Variants in SLC2A9 observed in about 807,000 individuals in gnomAD.
SLC2A9 encodes the protein solute carrier family 2 member 9.
In SLC2A9, 39 loss-of-function variants were observed where a neutral mutation model predicts 50.6. The ratio of observed to expected loss-of-function variants is 0.77; its 90% confidence interval spans 0.60 to 1.01. SLC2A9 has a LOEUF of 1.01. Ranked by LOEUF, SLC2A9 falls within the 50% of genes least tolerant of loss-of-function variation. The pLI is 0.00. For missense variants in SLC2A9, 686 were observed against 677.6 expected, an observed-to-expected ratio of 1.01 and a Z score of -0.14; for synonymous variants, 324 against 276.9, an observed-to-expected ratio of 1.17 and a Z score of -1.69.
At chr4:10,031,039 G>A (rs947692211) in intron 1 of SLC2A9, among the ~76,000 whole-genome samples, 1 of 152,206 alleles carries the variant, frequency 6.6e-6, no homozygotes, top group African/African-American at 2.4e-5. Flanking sequence ...TGCCTTTCAG[G>A]GGGCTTAGAT....
intron 4 of SLC2A9, among the ~76,000 whole-genome samples, chr4:9,981,416 A>C: frequency 6.6e-6 from 1 of 151,952 alleles, no homozygotes; most frequent in Non-Finnish European, 1.5e-5. Context: ...AGTAACAGGA[A>C]TCCTTCTCAT....
chr4:9,976,852 A>G (rs552926860), intron 5 of SLC2A9, among the ~76,000 whole-genome samples: 2 of 152,354 alleles, frequency 1.3e-5, no homozygotes, highest in African/African-American at 4.8e-5. Context: ...CACAGTTCAC[A>G]TCAGTGAACT....
chr4:9,818,244 G>A (rs566161451), intron 3 of SLC2A9, among the ~76,000 whole-genome samples: 2 of 152,098 alleles, frequency 1.3e-5, no homozygotes, highest in Non-Finnish European at 2.9e-5. Context: ...ATTTCTTCCT[G>A]GATCTGTTAA....
At chr4:10,018,887 G>C (rs1763109547) in intron 2 of SLC2A9, 88 bp downstream of exon 2, 1 of 1,320,666 alleles carries the variant, frequency 7.6e-7, no homozygotes, top group Non-Finnish European at 1.1e-6. Context: ...AGCGCAACAG[G>C]AGGGGGCGCT....
In SLC2A9 at chr4:9,811,720, T is replaced by C. The variant is rs547885002; in HGVS notation, n.421-12479A>G. Among the ~76,000 whole-genome samples, 10 of 152,320 alleles carry C rather than the reference T, an allele frequency of 6.6e-5. No homozygotes were observed. The South Asian group carries it at 2.1e-3, about 32-fold the overall frequency. On this transcript the variant is annotated intron_variant and non_coding_transcript_variant, in intron 3 of 3. Transcript: ENST00000503280. The stretch of plus-strand genomic sequence containing the variant: ...AATTGTAAGGAAAGAAAAGGTTGTT[T>C]TTTCAAGCCACTAAGTTTTGGGGAT...
intron 3 of SLC2A9, among the ~76,000 whole-genome samples, chr4:9,789,836 C>G (rs1388119986): frequency 6.6e-6 from 1 of 152,234 alleles, no homozygotes; most frequent in Non-Finnish European, 1.5e-5. Context: ...AGGGAAAACA[C>G]TCAGAATATT....
At chr4:9,894,360 T>A (rs1460294417) in intron 8 of SLC2A9, among the ~76,000 whole-genome samples, 1 of 152,212 alleles carries the variant, frequency 6.6e-6, no homozygotes, top group Non-Finnish European at 1.5e-5. Context: ...TTATATAATA[T>A]CAATTACAAT....
At chr4:9,875,961 A>G (rs939953753) in intron 10 of SLC2A9, among the ~76,000 whole-genome samples, 3 of 152,212 alleles carry the variant, frequency 2.0e-5, no homozygotes, top group Non-Finnish European at 2.9e-5. Context: ...AGCACATCAC[A>G]TTGTTGAATT....
chr4:9,826,302 A>G lies in SLC2A9; in HGVS notation c.*95T>C. Reference sequence around the variant, plus strand: ...AGCTTCAATTCATTTAAGCTTCCCAATAATGGGTAAATTTTAAGTTTCCTG... The same window carrying G: ...AGCTTCAATTCATTTAAGCTTCCCAGTAATGGGTAAATTTTAAGTTTCCTG... On this transcript the variant is annotated 3_prime_UTR_variant, in exon 12 of 12. Coordinates refer to ENST00000264784, the MANE Select transcript of SLC2A9 (RefSeq NM_020041.3). 3 of 1,286,536 alleles carry G rather than the reference A, an allele frequency of 2.3e-6. 1 individual carries two copies. In the South Asian group the frequency reaches 3.6e-5, roughly 15 times the overall value. The allele number at this position is 1,286,536 out of a possible 1,614,324, so 79.7% of individuals were successfully genotyped here. A position where few individuals can be genotyped will look rare whatever the true frequency, so the allele number is the denominator to read the frequency against.
chr4:9,783,508 CAT>C, intron 3 of SLC2A9: 2 of 1,531,814 alleles, frequency 1.3e-6, no homozygotes, highest in Non-Finnish European at 1.8e-6. Flanking sequence ...ACCGCACAGA[CAT>C]TGACAAGCAC....
intron 10 of SLC2A9, among the ~76,000 whole-genome samples, chr4:9,840,915 A>C (rs1727971014): frequency 1.7e-5 from 1 of 57,194 alleles, no homozygotes; most frequent in African/African-American, 4.0e-5. Flanking sequence ...ATATCAAAAG[A>C]GGACAAAGAG....
At chr4:9,982,056 A>G (rs1755974120) in intron 4 of SLC2A9, among the ~76,000 whole-genome samples, 2 of 152,026 alleles carry the variant, frequency 1.3e-5, no homozygotes, top group South Asian at 4.2e-4. Flanking sequence ...TAATTTTTGT[A>G]TTTTTAGTAG....
At chr4:9,877,630 G>A (rs1055300088) in intron 10 of SLC2A9, among the ~76,000 whole-genome samples, 9 of 152,200 alleles carry the variant, frequency 5.9e-5, no homozygotes, top group Admixed American at 2.0e-4. Flanking sequence ...TCTTCTGTGG[G>A]CTCCTCCAGC....
intron 10 of SLC2A9, among the ~76,000 whole-genome samples, chr4:9,839,664 A>ATGT (rs1358186400): frequency 2.6e-5 from 4 of 152,196 alleles, no homozygotes; most frequent in African/African-American, 9.6e-5. Context: ...GAATGAGATC[A>ATGT]TGTCCTTTGC....
chr4:9,862,821 T>C (rs1324203251), intron 10 of SLC2A9, among the ~76,000 whole-genome samples: 5 of 152,074 alleles, frequency 3.3e-5, no homozygotes, highest in African/African-American at 4.8e-5. Flanking sequence ...TTTATTAGCT[T>C]ACCAGTAATG....
At chr4:9,811,095 C>T (rs908658584) in intron 3 of SLC2A9, among the ~76,000 whole-genome samples, 1 of 152,118 alleles carries the variant, frequency 6.6e-6, no homozygotes, top group African/African-American at 2.4e-5. Context: ...GAGCACATGA[C>T]CAAGCTGGCC....
At chr4:9,868,464 C>A (rs1198586364) in intron 10 of SLC2A9, among the ~76,000 whole-genome samples, 1 of 152,252 alleles carries the variant, frequency 6.6e-6, no homozygotes, top group Admixed American at 6.5e-5. Context: ...ACCAGGGCTT[C>A]TTCCCCAGAA....
chr4:10,003,119 C>G (rs17247314), intron 2 of SLC2A9, among the ~76,000 whole-genome samples: 66,548 of 152,042 alleles, frequency 0.44, 16,316 homozygotes, highest in South Asian at 0.58. Flanking sequence ...CAGGACTTCA[C>G]AGACACCCCT....
intron 10 of SLC2A9, among the ~76,000 whole-genome samples, chr4:9,843,491 T>C (rs1728431251): frequency 6.6e-6 from 1 of 151,898 alleles, no homozygotes; most frequent in South Asian, 2.1e-4. Context: ...GGTGTAACAC[T>C]ATAGTTAGGG....
Sources: allele counts gnomAD v4.1 joint callset (sites outside exome capture counted in the v4.1 genomes callset), GRCh38; gene constraint gnomAD v4.1.1; transcripts MANE v1.5; gene names NCBI Gene and HGNC (gene_info 2026-07-23, HGNC 2026-07-21).